SNX24: variants seen among roughly 807,000 people sequenced by gnomAD.
SNX24 encodes the protein sorting nexin 24.
Under a neutral mutation model 28.7 loss-of-function variants are expected in SNX24, and 22 were observed. That is an observed-to-expected ratio of 0.77 (90% CI 0.55 to 1.10). SNX24 has a LOEUF of 1.10. SNX24 is among the 50% of genes least tolerant of loss of function. The pLI is 0.00. For synonymous variants in SNX24, 69 were observed against 71.5 expected (o/e 0.96, Z 0.18); for missense variants, 221 against 201.1 (o/e 1.10, Z -0.60).
chr5:122,868,715 T>A (rs1479888176), intron 1 of SNX24, among the ~76,000 whole-genome samples: 1 of 152,084 alleles, frequency 6.6e-6, no homozygotes, highest in Non-Finnish European at 1.5e-5. Context: ...CACACCCAAA[T>A]GAGGAATATG....
intron 3 of SNX24, among the ~76,000 whole-genome samples, chr5:122,955,740 A>G (rs997470483): frequency 1.3e-5 from 2 of 152,154 alleles, no homozygotes; most frequent in Non-Finnish European, 2.9e-5. Flanking sequence ...CGTTACTGCC[A>G]TTGGCCCTGG....
intron 1 of SNX24, among the ~76,000 whole-genome samples, chr5:122,886,276 A>C (rs1756709045): frequency 6.6e-6 from 1 of 152,182 alleles, no homozygotes; most frequent in African/African-American, 2.4e-5. Context: ...ACTTTATAGA[A>C]GAGAATGTGA....
chr5:123,002,120 C>A, intron 6 of SNX24, 116 bp downstream of exon 6: 1 of 815,556 alleles, frequency 1.2e-6, no homozygotes, highest in Non-Finnish European at 2.1e-6. Context: ...TAATAATCTG[C>A]CAATAAACCA....
intron 3 of SNX24, among the ~76,000 whole-genome samples, chr5:122,961,845 C>T (rs1462634965): frequency 6.6e-6 from 1 of 152,102 alleles, no homozygotes. Context: ...GTTTTTCATA[C>T]AGAAAAACCC....
At chr5:122,964,894 T>C (rs1197820908) in intron 3 of SNX24, among the ~76,000 whole-genome samples, 1 of 152,208 alleles carries the variant, frequency 6.6e-6, no homozygotes, top group Non-Finnish European at 1.5e-5. Flanking sequence ...TATCCTATAC[T>C]GTGGATGCAT....
At chr5:122,908,723 A>T (rs188419647) in intron 1 of SNX24, among the ~76,000 whole-genome samples, 222 of 152,352 alleles carry the variant, frequency 1.5e-3, no homozygotes, top group African/African-American at 5.1e-3. Flanking sequence ...GACATTTATT[A>T]TAACAGTATT....
chr5:123,011,146 AC>A (rs1267357301), downstream of SNX24, among the ~76,000 whole-genome samples: 1 of 152,154 alleles, frequency 6.6e-6, no homozygotes, highest in African/African-American at 2.4e-5. Context: ...AATCATTCAA[AC>A]CATGGATTCA....
intron 1 of SNX24, among the ~76,000 whole-genome samples, chr5:122,889,649 A>ATGTATATATATGTGTATATATATATG (rs1756868120): frequency 6.8e-6 from 1 of 146,950 alleles, no homozygotes; most frequent in Non-Finnish European, 1.5e-5. Flanking sequence ...ACACATACAT[A>ATGTATATATATGTGTATATATATATG]TGTATATATA....
chr5:122,915,906 C>G (rs980430002), intron 1 of SNX24, among the ~76,000 whole-genome samples: 2 of 152,230 alleles, frequency 1.3e-5, no homozygotes, highest in East Asian at 1.9e-4. Context: ...TCAACTCCCC[C>G]CAGGCTTCAG....
intron 3 of SNX24, among the ~76,000 whole-genome samples, chr5:122,995,133 G>A (rs993889407): frequency 6.6e-6 from 1 of 152,188 alleles, no homozygotes; most frequent in Admixed American, 6.5e-5. Context: ...AGGATATTTT[G>A]ATGCTCTTCA....
intron 3 of SNX24, among the ~76,000 whole-genome samples, chr5:122,964,985 G>A (rs1760659113): frequency 6.6e-6 from 1 of 152,082 alleles, no homozygotes; most frequent in Admixed American, 6.5e-5. Context: ...TGTTTGGTTG[G>A]AGGTGTTGGT....
chr5:123,018,773 G>A (rs1048404333), intron 5 of SNX24, among the ~76,000 whole-genome samples: 12 of 151,800 alleles, frequency 7.9e-5, no homozygotes, highest in South Asian at 2.1e-4. Context: ...TGCAACCTCC[G>A]CCTCCCGGGT....
intron 3 of SNX24, among the ~76,000 whole-genome samples, chr5:122,954,476 G>A (rs1760117053): frequency 1.3e-5 from 2 of 150,960 alleles, no homozygotes; most frequent in African/African-American, 2.4e-5. Context: ...CTTTTTCTAT[G>A]ATTTTTTTTT....
chr5:123,020,708 C>A (rs36180885), intron 5 of SNX24, among the ~76,000 whole-genome samples: 29,998 of 152,174 alleles, frequency 0.2, 3,928 homozygotes, highest in Non-Finnish European at 0.3. Flanking sequence ...GTTTACGCAG[C>A]GAAAAGCTAA....
intron 3 of SNX24, among the ~76,000 whole-genome samples, chr5:122,954,504 G>C (rs1194044570): frequency 1.3e-5 from 2 of 151,170 alleles, no homozygotes; most frequent in East Asian, 3.9e-4. Flanking sequence ...TTTTGGATTG[G>C]TGACCAATAC....
intron 1 of SNX24, among the ~76,000 whole-genome samples, chr5:122,847,003 A>G (rs1335637066): frequency 6.6e-6 from 1 of 151,178 alleles, no homozygotes; most frequent in African/African-American, 2.4e-5. Context: ...TCTTAAGCCT[A>G]AAACCTTGCT....
intron 3 of SNX24, among the ~76,000 whole-genome samples, chr5:122,979,648 C>T (rs955840879): frequency 3.9e-5 from 6 of 152,166 alleles, no homozygotes; most frequent in Non-Finnish European, 5.9e-5. Context: ...ATAACAAATA[C>T]AGTAATAATC....
chr5:122,920,889 T>G (rs756432078), intron 1 of SNX24, among the ~76,000 whole-genome samples: 1 of 152,134 alleles, frequency 6.6e-6, no homozygotes. Flanking sequence ...TCTTAAACAT[T>G]AACTTTTTTT....
intron 1 of SNX24, among the ~76,000 whole-genome samples, chr5:122,927,310 G>C (rs975122057): frequency 7.9e-5 from 12 of 152,130 alleles, no homozygotes; most frequent in Non-Finnish European, 1.5e-5. Flanking sequence ...TAACCGCTGC[G>C]TTATACTGCA....
Sources: allele counts gnomAD v4.1 joint callset (sites outside exome capture counted in the v4.1 genomes callset), GRCh38; gene constraint gnomAD v4.1.1; transcripts MANE v1.5; gene names NCBI Gene and HGNC (gene_info 2026-07-23, HGNC 2026-07-21).